The following GABRA1 variants were observed in gnomAD, a reference collection of about 807,000 sequenced individuals.
The protein encoded by GABRA1 is gamma-aminobutyric acid type A receptor subunit alpha1, also known as gamma-aminobutyric acid receptor subunit alpha-1.
In GABRA1, 9 loss-of-function variants were observed where a neutral mutation model predicts 48.9. The ratio of observed to expected loss-of-function variants is 0.18; its 90% CI spans 0.11 to 0.32. The LOEUF is 0.32. GABRA1 is among the 10% of genes least tolerant of loss of function. GABRA1 has a pLI of 1.00. For missense variants in GABRA1, 285 were observed against 553.8 expected (o/e 0.51, Z 4.87); for synonymous variants, 210 against 198.7 (o/e 1.06, Z -0.48).
intron 7 of GABRA1, among the ~76,000 whole-genome samples, chr5:161,883,425 GT>G (rs1754703994): frequency 6.6e-6 from 1 of 152,094 alleles, no homozygotes; most frequent in Non-Finnish European, 1.5e-5. Flanking sequence ...CTTTAAAGTT[GT>G]TTCGAACAAT....
In GABRA1 at chr5:161,895,648, T is replaced by A. The variant is rs78782356; in HGVS notation, c.857-18T>A. The A allele has an allele frequency of 1.3e-6, 2 of 1,596,012 alleles. No individual in the cohort carries two copies. Among genetic ancestry groups the A allele is most frequent in the African/African-American group, 2.7e-5 (2 of 73,052 alleles). ...CAGTATGAACTGGCATCATGTATGT[T>A]TTTTTTTTTCTTTACAGGAGTAACA... On this transcript the variant is annotated intron_variant, in intron 8 of 9. Transcript: ENST00000393943.
chr5:161,880,402 T>C (rs1041595355), intron 6 of GABRA1, among the ~76,000 whole-genome samples: 4 of 152,218 alleles, frequency 2.6e-5, no homozygotes, highest in African/African-American at 9.6e-5. Flanking sequence ...TAGTGTGCTC[T>C]GCCTTCTTCT....
intron 8 of GABRA1, among the ~76,000 whole-genome samples, chr5:161,895,011 T>C (rs138976057): frequency 1.9e-3 from 294 of 151,380 alleles, no homozygotes; most frequent in African/African-American, 6.5e-3. Context: ...ACATAAAATG[T>C]ATTATTATAT....
chr5:161,887,189 A>T (rs1403564476), intron 7 of GABRA1, among the ~76,000 whole-genome samples: 1 of 152,178 alleles, frequency 6.6e-6, no homozygotes, highest in African/African-American at 2.4e-5. Flanking sequence ...CTTCTGAATG[A>T]CTATTGTTAA....
intron 6 of GABRA1, 112 bp from the exon 7 acceptor site, chr5:161,882,446 C>A: frequency 4.9e-6 from 5 of 1,017,108 alleles, no homozygotes; most frequent in Non-Finnish European, 7.7e-6. Context: ...TCTTTCCTAG[C>A]CTGCCCTCTG....
At chr5:161,849,022 G>A (rs1414866227) in intron 1 of GABRA1, 2 of 454,766 alleles carry the variant, frequency 4.4e-6, no homozygotes, top group Non-Finnish European at 8.8e-6. Context: ...CTTTGATATG[G>A]ATGGCATGGG....
intron 8 of GABRA1, 116 bp downstream of exon 8, chr5:161,891,166 T>A: frequency 1.0e-6 from 1 of 992,584 alleles, no homozygotes; most frequent in Non-Finnish European, 1.6e-6. Context: ...TAAGTTCATA[T>A]AACAGAAAGT....
chr5:161,875,230 T>A (rs941533345), intron 5 of GABRA1, among the ~76,000 whole-genome samples: 1 of 152,192 alleles, frequency 6.6e-6, no homozygotes, highest in Non-Finnish European at 1.5e-5. Flanking sequence ...ACGCAAGTGT[T>A]TATTTGCTTA....
chr5:161,890,782 T>C lies in GABRA1; in HGVS notation c.704-116T>C, dbSNP rs1302869841. 24 of 915,094 alleles carry C rather than the reference T, an allele frequency of 2.6e-5. No individual in the cohort carries two copies. In the Admixed American group the frequency reaches 4.5e-4, roughly 17 times the overall value. 56.7% of individuals were successfully genotyped at this position (915,094 alleles called of 1,614,324 possible). A position where few individuals can be genotyped will look rare whatever the true frequency, so the allele number is the denominator to read the frequency against. ...AACTTTTCCCTCCAAGAACTGGATG[T>C]CACATGGAGAAAGGATGTGTCTAAT... On this transcript the variant is annotated intron_variant, in intron 7 of 9. Transcript: ENST00000393943.
intron 6 of GABRA1, among the ~76,000 whole-genome samples, chr5:161,876,139 G>C (rs536457672): frequency 6.6e-6 from 1 of 151,918 alleles, no homozygotes; most frequent in Non-Finnish European, 1.5e-5. Flanking sequence ...CCTAATCATA[G>C]TCTTAGAAAA....
At chr5:161,847,346 C>G (rs1757254044), upstream of GABRA1, 1 of 152,118 alleles carries the variant, frequency 6.6e-6, no homozygotes, top group African/African-American at 2.4e-5. Context: ...ATTCTCAAAC[C>G]TAGAAATGAT....
intron 4 of GABRA1, among the ~76,000 whole-genome samples, chr5:161,866,520 A>G (rs1753858850): frequency 6.6e-6 from 1 of 152,104 alleles, no homozygotes; most frequent in Non-Finnish European, 1.5e-5. Context: ...TCAAAGATAC[A>G]TTAATTGAAT....
At chr5:161,871,841 A>G (rs1754134648) in intron 4 of GABRA1, among the ~76,000 whole-genome samples, 1 of 152,130 alleles carries the variant, frequency 6.6e-6, no homozygotes, top group Admixed American at 6.6e-5. Context: ...AATTAGTACT[A>G]TATCTGGTGC....
intron 4 of GABRA1, among the ~76,000 whole-genome samples, chr5:161,872,724 T>A (rs1378024480): frequency 2.0e-5 from 3 of 152,132 alleles, no homozygotes; most frequent in Non-Finnish European, 4.4e-5. Flanking sequence ...ATGGCTGGAA[T>A]TGTCTAATTT....
chr5:161,850,905 A>G (rs1200232002), intron 2 of GABRA1, 21 bp downstream of exon 2: 1 of 1,597,400 alleles, frequency 6.3e-7, no homozygotes, highest in Non-Finnish European at 8.6e-7. Flanking sequence ...TTTTTTAAAA[A>G]TCTGCATGAA....
intron 6 of GABRA1, among the ~76,000 whole-genome samples, chr5:161,881,173 C>T (rs951718601): frequency 1.3e-5 from 2 of 152,128 alleles, no homozygotes; most frequent in Non-Finnish European, 2.9e-5. Context: ...GAGTCAAGCT[C>T]TTGTCATAGG....
intron 2 of GABRA1, 53 bp downstream of exon 2, chr5:161,850,937 A>G: frequency 6.8e-7 from 1 of 1,467,852 alleles, no homozygotes; most frequent in East Asian, 2.3e-5. Flanking sequence ...CTTTTCATTT[A>G]TTTTATCGGG....
intron 4 of GABRA1, among the ~76,000 whole-genome samples, chr5:161,867,906 A>G (rs1753942888): frequency 6.6e-6 from 1 of 152,168 alleles, no homozygotes; most frequent in Non-Finnish European, 1.5e-5. Context: ...ATTTATAAAT[A>G]AATATCTTAT....
At chr5:161,852,673 A>C (rs1167650392) in intron 2 of GABRA1, among the ~76,000 whole-genome samples, 2 of 152,014 alleles carry the variant, frequency 1.3e-5, no homozygotes, top group East Asian at 3.9e-4. Context: ...TAATTTTGCC[A>C]AAAGAGAGTA....
Sources: allele counts gnomAD v4.1 joint callset (sites outside exome capture counted in the v4.1 genomes callset), GRCh38; gene constraint gnomAD v4.1.1; transcripts MANE v1.5; gene names NCBI Gene and HGNC (gene_info 2026-07-23, HGNC 2026-07-21).